The following ARHGAP6 variants were observed in gnomAD, a reference collection of about 807,000 sequenced individuals.
ARHGAP6 encodes the protein rho GTPase-activating protein 6.
In ARHGAP6, 16 loss-of-function variants were observed where a neutral mutation model predicts 55.7. That is an observed-to-expected ratio of 0.29 (90% CI 0.19 to 0.44). The LOEUF (loss-of-function observed/expected upper bound fraction) is 0.44. Ranked by LOEUF, ARHGAP6 falls within the 20% of genes least tolerant of loss-of-function variation. The pLI is 1.00. For synonymous variants in ARHGAP6, 382 were observed against 360.9 expected (o/e 1.06, Z -0.66); for missense variants, 698 against 808.9 (o/e 0.86, Z 1.66).
intron 2 of ARHGAP6, among the ~76,000 whole-genome samples, chrX:11,226,419 G>A (rs1025870660): frequency 1.8e-5 from 2 of 110,735 alleles, no homozygotes; most frequent in African/African-American, 6.6e-5. Context: ...GGTTCCAAGT[G>A]GACAGACCTT....
At chrX:11,420,485 C>T (rs2049807901) in intron 1 of ARHGAP6, among the ~76,000 whole-genome samples, 1 of 111,433 alleles carries the variant, frequency 9.0e-6, no homozygotes, top group Non-Finnish European at 1.9e-5. Context: ...CAATCTAAAA[C>T]AGACCATGCT....
At chrX:11,574,833 T>C (rs781682031) in intron 1 of ARHGAP6, among the ~76,000 whole-genome samples, 1 of 110,478 alleles carries the variant, frequency 9.1e-6, no homozygotes, top group East Asian at 2.8e-4. Context: ...AACCCCATTG[T>C]CTCAGCCCAA....
intron 1 of ARHGAP6, among the ~76,000 whole-genome samples, chrX:11,495,470 A>G (rs2050612794): frequency 8.9e-6 from 1 of 111,960 alleles, no homozygotes; most frequent in African/African-American, 3.2e-5. Context: ...TCTTTTCTTC[A>G]CCTGAGTATG....
intron 2 of ARHGAP6, among the ~76,000 whole-genome samples, chrX:11,216,098 C>T (rs1458706254): frequency 2.7e-5 from 3 of 109,892 alleles, no homozygotes; most frequent in Non-Finnish European, 5.7e-5. Context: ...CCAGTGATTC[C>T]ATGTATAGCG....
chrX:11,267,303 A>T (rs1168261929), intron 1 of ARHGAP6, among the ~76,000 whole-genome samples: 1 of 112,299 alleles, frequency 8.9e-6, no homozygotes, highest in African/African-American at 3.2e-5. Context: ...AGCACTTACT[A>T]AGTGTCAGGC....
intron 1 of ARHGAP6, among the ~76,000 whole-genome samples, chrX:11,562,020 C>A (rs2051389645): frequency 8.9e-6 from 1 of 111,825 alleles, no homozygotes; most frequent in African/African-American, 3.3e-5. Flanking sequence ...AGAGGCAGGG[C>A]TGACTCTATC....
intron 1 of ARHGAP6, among the ~76,000 whole-genome samples, chrX:11,432,140 G>C (rs2049946370): frequency 8.9e-6 from 1 of 112,412 alleles, no homozygotes; most frequent in Non-Finnish European, 1.9e-5. Context: ...AGGAAGTCAG[G>C]CATCCATAAA....
intron 1 of ARHGAP6, among the ~76,000 whole-genome samples, chrX:11,430,440 A>C (rs1194198548): frequency 8.9e-6 from 1 of 112,441 alleles, no homozygotes; most frequent in Non-Finnish European, 1.9e-5. Context: ...TGATCAGTTC[A>C]TGCTGCAAGA....
At chrX:11,266,009 G>A in intron 1 of ARHGAP6, 1 of 871,238 alleles carries the variant, frequency 1.1e-6, no homozygotes, top group East Asian at 9.2e-5. Flanking sequence ...ATGAGTGAGT[G>A]CGTGTGTTTG....
chrX:11,181,923 T>C (rs2046318717), intron 6 of ARHGAP6, 140 bp downstream of exon 6: 1 of 466,710 alleles, frequency 2.1e-6, no homozygotes, highest in Non-Finnish European at 3.5e-6. Flanking sequence ...CTCCTGGAAT[T>C]CAATTATATT....
intron 5 of ARHGAP6, among the ~76,000 whole-genome samples, chrX:11,182,988 C>T (rs1266653242): frequency 1.8e-5 from 2 of 111,515 alleles, no homozygotes; most frequent in Non-Finnish European, 3.8e-5. Context: ...GATCACACTG[C>T]ATATATATAA....
Position 11,225,704 on chromosome X carries a change from A to C in ARHGAP6, c.749-28708T>G, listed in dbSNP as rs1256654088. 4.4e-6 allele frequency: 3 copies of C among 677,104 alleles called. No individual in the cohort carries two copies. The South Asian group carries it at 8.6e-5, about 19-fold the overall frequency. 55.8% of individuals were successfully genotyped at this position (677,104 alleles called of 1,213,427 possible). On this transcript the variant is annotated intron_variant, in intron 2 of 12. Coordinates refer to ENST00000337414, the MANE Select transcript of ARHGAP6 (RefSeq NM_013427.3). ...AAGAGCAACAAAAGAGACGGCAACA[A>C]GATGGGAAAGGAACTGAAAGAGATT...
chrX:11,140,596 G>A (rs1231179453), intron 12 of ARHGAP6, among the ~76,000 whole-genome samples: 1 of 109,661 alleles, frequency 9.1e-6, no homozygotes, highest in Non-Finnish European at 1.9e-5. Flanking sequence ...GCCTAGGCTG[G>A]GCCCCTTAGT....
intron 1 of ARHGAP6, among the ~76,000 whole-genome samples, chrX:11,511,656 A>G (rs1027600981): frequency 9.0e-6 from 1 of 111,575 alleles, no homozygotes; most frequent in Non-Finnish European, 1.9e-5. Context: ...GGACCCATTG[A>G]TATTTTGGTC....
At chrX:11,274,124 A>T (rs756233835) in intron 1 of ARHGAP6, among the ~76,000 whole-genome samples, 29 of 111,264 alleles carry the variant, frequency 2.6e-4, no homozygotes, top group African/African-American at 8.5e-4. Context: ...ACTCAAGAAA[A>T]TTCATCAAAA....
chrX:11,224,707 T>C (rs2078258), intron 2 of ARHGAP6, among the ~76,000 whole-genome samples: 20,102 of 109,388 alleles, frequency 0.18, 1,412 homozygotes, highest in Middle Eastern at 0.33. Flanking sequence ...CAGCTGGGAC[T>C]GAGTTACCGG....
chrX:11,636,097 AAGG>A (rs921755546), intron 1 of ARHGAP6, among the ~76,000 whole-genome samples: 9 of 111,907 alleles, frequency 8.0e-5, no homozygotes, highest in African/African-American at 2.9e-4. Context: ...ACATGGAAGG[AAGG>A]AGAACAATAC....
intron 1 of ARHGAP6, among the ~76,000 whole-genome samples, chrX:11,277,876 T>G (rs1237050285): frequency 1.8e-5 from 2 of 111,782 alleles, no homozygotes. Context: ...GAGATATTCT[T>G]GCCTATATCA....
rs1296082892 is a variant in ARHGAP6 at position 11,320,808 on chromosome X, CACAG to C, written c.589-66105_589-66102del. Among the ~76,000 whole-genome samples, 6 of 102,083 alleles carry C rather than the reference CACAG, an allele frequency of 5.9e-5. No individual in the cohort carries two copies. In the South Asian group the frequency reaches 1.3e-3, roughly 22 times the overall value. The allele number at this position is 102,083 out of a possible 115,157, so 88.6% of individuals were successfully genotyped here. A position where few individuals can be genotyped will look rare whatever the true frequency, so the allele number is the denominator to read the frequency against. ...ACACACACACACACACACACACACACACAGGTGTATAATATACACACACACACAT... is the reference window on the plus strand; with the variant it reads ...ACACACACACACACACACACACACACGTGTATAATATACACACACACACAT... On this transcript the variant is annotated intron_variant, in intron 1 of 12. Transcript: ENST00000337414.
Sources: gnomAD v4.1 joint callset for allele counts (sites outside exome capture counted in the v4.1 genomes callset) on GRCh38, gnomAD v4.1.1 for gene constraint, MANE v1.5 for transcripts, NCBI Gene and HGNC (gene_info 2026-07-23, HGNC 2026-07-21) for gene names.